AXIN1: variants seen among roughly 807,000 people sequenced by gnomAD.
The protein encoded by AXIN1 is axin-1.
Under a neutral mutation model 76.4 loss-of-function variants are expected in AXIN1, and 30 were observed. The observed-to-expected ratio is 0.39, with a 90% CI of 0.29 to 0.53. The LOEUF (loss-of-function observed/expected upper bound fraction) is 0.53, where lower values mean the gene tolerates loss of function less well. AXIN1 is among the 20% of genes least tolerant of loss of function. The pLI, the probability that AXIN1 is intolerant of heterozygous loss-of-function variation, is 0.66. For synonymous variants in AXIN1, 545 were observed against 501.4 expected (o/e 1.09, Z -1.16); for missense variants, 1,140 against 1,198.8 (o/e 0.95, Z 0.72).
chr16:292,881 C>CACA (rs1567260194), intron 8 of AXIN1: 4 of 149,268 alleles, frequency 2.7e-5, no homozygotes, highest in African/African-American at 1.0e-4. Flanking sequence ...CCAAGGAGGG[C>CACA]GCAGTGAGGA....
At chr16:323,941 T>G (rs2053521982) in intron 2 of AXIN1, among the ~76,000 whole-genome samples, 1 of 152,078 alleles carries the variant, frequency 6.6e-6, no homozygotes, top group South Asian at 2.1e-4. Flanking sequence ...CGGCACAGAA[T>G]GAGCAACCCA....
intron 2 of AXIN1, among the ~76,000 whole-genome samples, chr16:340,795 G>C (rs545895158): frequency 1.9e-4 from 29 of 152,324 alleles, no homozygotes; most frequent in African/African-American, 7.0e-4. Context: ...AAAGGGCCAG[G>C]AATGGAGCTC....
intron 3 of AXIN1, among the ~76,000 whole-genome samples, chr16:313,503 G>C (rs1270362021): frequency 6.6e-6 from 1 of 152,242 alleles, no homozygotes; most frequent in African/African-American, 2.4e-5. Context: ...GGGGATGGAG[G>C]GTGGTGGTCC....
At position 287,991 on chromosome 16, in the gene AXIN1, A is replaced by G. The variant is rs2052431944; in HGVS notation, c.*131T>C. 2.7e-6 allele frequency: 4 copies of G among 1,476,546 alleles called. No individual in the cohort carries two copies. In the East Asian group the frequency reaches 9.1e-5, roughly 33 times the overall value. 91.5% of individuals were successfully genotyped at this position (1,476,546 alleles called of 1,614,324 possible). On this transcript the variant is annotated 3_prime_UTR_variant, in exon 11 of 11. Transcript: ENST00000262320. ...CCCCTACCTGCCTCTAGACACGGGT[A>G]GACCACAGGGATGGGTGGTACACCC...
At chr16:320,967 T>C (rs2053441318) in intron 2 of AXIN1, among the ~76,000 whole-genome samples, 1 of 151,978 alleles carries the variant, frequency 6.6e-6, no homozygotes, top group Non-Finnish European at 1.5e-5. Flanking sequence ...CTCGAACGCC[T>C]GACCTTGTGA....
At chr16:307,836 C>A (rs1272612626) in intron 4 of AXIN1, among the ~76,000 whole-genome samples, 1 of 152,232 alleles carries the variant, frequency 6.6e-6, no homozygotes, top group Non-Finnish European at 1.5e-5. Flanking sequence ...TATCGGCTTC[C>A]TGGGCCTCCC....
At chr16:306,056 A>G (rs987425180) in intron 4 of AXIN1, among the ~76,000 whole-genome samples, 1 of 152,112 alleles carries the variant, frequency 6.6e-6, no homozygotes, top group Non-Finnish European at 1.5e-5. Context: ...CTTCACCCAG[A>G]TTCCCCAAGG....
At chr16:332,712 AAGGGCAGGAAAAAAATGT>A (rs1033232051) in intron 2 of AXIN1, among the ~76,000 whole-genome samples, 26 of 151,928 alleles carry the variant, frequency 1.7e-4, no homozygotes, top group Admixed American at 2.6e-4. Context: ...TTCAGAAAGC[AAGGGCAGGAAAAAAATGT>A]ATTGAAAAGA....
chr16:342,947 T>TA (rs2053958896), intron 2 of AXIN1, among the ~76,000 whole-genome samples: 1 of 152,206 alleles, frequency 6.6e-6, no homozygotes, highest in Non-Finnish European at 1.5e-5. Flanking sequence ...CACCCTCACC[T>TA]ACACCTGGCA....
rs889945580 is a variant in AXIN1 at position 346,131 on chromosome 16, C to T, written c.878+17G>A. 6.2e-7 allele frequency: 1 copy of T among 1,612,126 alleles called. No individual in the cohort carries two copies. The highest frequency in any genetic ancestry group is 8.5e-7 in the Non-Finnish European group (1 of 1,179,240). ...CGGAGGTGAGTACAGAAAGTGGACG[C>T]CTGGCGTCGGACTCACCTGAACTCT... On this transcript the variant is annotated intron_variant, in intron 2 of 10. Transcript: ENST00000262320.
intron 2 of AXIN1, among the ~76,000 whole-genome samples, chr16:339,832 G>A (rs1201036795): frequency 6.6e-6 from 1 of 152,140 alleles, no homozygotes; most frequent in Non-Finnish European, 1.5e-5. Flanking sequence ...CACAGCAGAG[G>A]TCCCCTTAAC....
In AXIN1 at chr16:314,996, A is replaced by G. The variant is rs190151260; in HGVS notation, c.879-313T>C. ...TTGTTTTCCGTGCACGGTACTAGAA[A>G]TGGGACGCAGATGTTCTGCTCATTC... On this transcript the variant is annotated intron_variant, in intron 2 of 10. Transcript: ENST00000262320. Among the ~76,000 whole-genome samples, 355 of 152,312 alleles carry G rather than the reference A, an allele frequency of 2.3e-3. 3 individuals are homozygous for G. Among genetic ancestry groups the G allele is most frequent in the Admixed American group, 0.015 (236 of 15,296 alleles).
intron 2 of AXIN1, among the ~76,000 whole-genome samples, chr16:335,408 C>G (rs1041459318): frequency 3.3e-5 from 5 of 152,056 alleles, no homozygotes; most frequent in African/African-American, 1.2e-4. Context: ...TCATGGCACG[C>G]TAATTACACA....
At chr16:330,463 C>T (rs979445439) in intron 2 of AXIN1, among the ~76,000 whole-genome samples, 1 of 152,168 alleles carries the variant, frequency 6.6e-6, no homozygotes, top group Admixed American at 6.5e-5. Context: ...AATTATAATG[C>T]ACCAAAGAAC....
At chr16:328,390 C>T (rs2053624085) in intron 2 of AXIN1, among the ~76,000 whole-genome samples, 1 of 151,790 alleles carries the variant, frequency 6.6e-6, no homozygotes, top group African/African-American at 2.4e-5. Context: ...AAGACTCTGT[C>T]ACTAAAAAAA....
intron 2 of AXIN1, among the ~76,000 whole-genome samples, chr16:315,849 A>G (rs560181874): frequency 5.3e-5 from 8 of 150,984 alleles, no homozygotes; most frequent in South Asian, 4.2e-4. Context: ...AAAAAAAAAA[A>G]AAAGAACAGC....
At position 295,529 on chromosome 16, in the gene AXIN1, T is replaced by C. The variant is rs547337986; in HGVS notation, c.1955+1527A>G. On this transcript the variant is annotated intron_variant, in intron 7 of 10. Coordinates refer to ENST00000262320, the MANE Select transcript of AXIN1 (RefSeq NM_003502.4). ...TTACACCACTGCACTTCAGCCAGGG[T>C]GACAGAGGGAGACTCTGTCGCAAAA... Among the ~76,000 whole-genome samples, 293 of 151,766 alleles carry C rather than the reference T, an allele frequency of 1.9e-3. 2 individuals are homozygous for C. The highest frequency in any genetic ancestry group is 6.6e-3 in the African/African-American group (271 of 41,296).
chr16:351,609 C>CAAAA (rs3073808), intron 1 of AXIN1, among the ~76,000 whole-genome samples: 24,357 of 144,094 alleles, frequency 0.17, 2,091 homozygotes, highest in South Asian at 0.28. Flanking sequence ...GACTCCGTCT[C>CAAAA]AAAAAAAAAA....
rs1255658723 is a variant in AXIN1 at position 293,148 on chromosome 16, C to G, written c.2186+340G>C. 3 of 413,204 alleles carry G rather than the reference C, an allele frequency of 7.3e-6. No homozygotes were observed. The highest frequency in any genetic ancestry group is 8.9e-6 in the Non-Finnish European group (2 of 224,646). 25.6% of individuals were successfully genotyped at this position (413,204 alleles called of 1,614,324 possible). On this transcript the variant is annotated intron_variant, in intron 8 of 10. Transcript: ENST00000262320. The surrounding 1 kb of genome is among the most constrained non-coding windows in gnomAD (Gnocchi z 4.6). ...CTGCCCTAAAGCCCAGGCTGCCCAG[C>G]AGCGAGCAGCCTCTGGCTGGGGACC...
Sources: gnomAD v4.1 joint callset for allele counts (sites outside exome capture counted in the v4.1 genomes callset) on GRCh38, gnomAD v4.1.1 for gene constraint, Gnocchi (gnomAD v3.1) non-coding constraint, MANE v1.5 for transcripts, NCBI Gene and HGNC (gene_info 2026-07-23, HGNC 2026-07-21) for gene names.